Variants in NRG3 observed in about 807,000 individuals in gnomAD.
NRG3 encodes neuregulin 3.
Under a neutral mutation model 66.9 loss-of-function variants are expected in NRG3, and 31 were observed. The observed-to-expected ratio is 0.46, with a 90% CI of 0.35 to 0.63. NRG3 has a LOEUF of 0.63. Ranked by LOEUF, NRG3 falls within the 20% of genes least tolerant of loss-of-function variation. NRG3 has a pLI of 0.00. For synonymous variants in NRG3, 393 were observed against 359.4 expected, an observed-to-expected ratio of 1.09 and a Z score of -1.06; for missense variants, 910 against 878.9, an observed-to-expected ratio of 1.04 and a Z score of -0.45.
chr10:82,639,927 C>T (rs371120063), intron 2 of NRG3, among the ~76,000 whole-genome samples: 10 of 152,278 alleles, frequency 6.6e-5, no homozygotes, highest in African/African-American at 2.4e-4. Flanking sequence ...CTCCCACCCT[C>T]CACCCTCCAA....
chr10:82,102,126 GTGTATTCATATATATATATATATA>G (rs2066780927), intron 1 of NRG3, among the ~76,000 whole-genome samples: 1 of 7,790 alleles, frequency 1.3e-4, no homozygotes. Context: ...ATATATATAT[GTGTATTCATATATATATATATATA>G]TATATATATA....
chr10:82,894,697 C>T (rs1371085154), intron 4 of NRG3, among the ~76,000 whole-genome samples: 1 of 152,112 alleles, frequency 6.6e-6, no homozygotes, highest in African/African-American at 2.4e-5. Context: ...CCTGAATTGG[C>T]ACAACTATCA....
intron 3 of NRG3, among the ~76,000 whole-genome samples, chr10:82,842,366 T>G (rs1370909324): frequency 2.6e-5 from 4 of 152,238 alleles, no homozygotes; most frequent in African/African-American, 9.6e-5. Context: ...ACATTAACTC[T>G]CTTTTTTCCT....
chr10:82,909,641 C>T (rs1286305547), intron 4 of NRG3, among the ~76,000 whole-genome samples: 1 of 152,166 alleles, frequency 6.6e-6, no homozygotes, highest in Non-Finnish European at 1.5e-5. Context: ...CAGTAGGTTC[C>T]TAATGATGTT....
At chr10:81,980,882 G>A (rs2060308899) in intron 1 of NRG3, among the ~76,000 whole-genome samples, 1 of 152,078 alleles carries the variant, frequency 6.6e-6, no homozygotes, top group Admixed American at 6.5e-5. Context: ...ATGTTTTTGT[G>A]TGTCCATATT....
rs1844765333 is a variant in NRG3 at position 82,507,245 on chromosome 10, A to G, written c.953+148377A>G. On this transcript the variant is annotated intron_variant, in intron 2 of 8. Transcript: ENST00000372141. Reference sequence around the variant, plus strand: ...TAGTAGTAGGGATGTTGTCTCTCCCATGATGGGTTCGCAGTGTAAAGCTCC... The same window carrying G: ...TAGTAGTAGGGATGTTGTCTCTCCCGTGATGGGTTCGCAGTGTAAAGCTCC... Among the ~76,000 whole-genome samples the G allele has an allele frequency of 3.3e-5, 5 of 152,188 alleles. No individual in the cohort carries two copies. The South Asian group carries it at 1.0e-3, about 32-fold the overall frequency.
intron 1 of NRG3, among the ~76,000 whole-genome samples, chr10:81,992,739 G>T (rs1262848528): frequency 1.3e-5 from 2 of 151,930 alleles, no homozygotes; most frequent in African/African-American, 4.8e-5. Context: ...CATTCTATAG[G>T]CTCTCTCACA....
intron 1 of NRG3, among the ~76,000 whole-genome samples, chr10:82,018,396 T>C (rs1354878949): frequency 6.6e-6 from 1 of 152,176 alleles, no homozygotes; most frequent in African/African-American, 2.4e-5. Context: ...TCTTTTGGCT[T>C]AGGATTGACT....
intron 1 of NRG3, among the ~76,000 whole-genome samples, chr10:82,223,288 A>G (rs1367042294): frequency 6.6e-6 from 1 of 152,112 alleles, no homozygotes; most frequent in Non-Finnish European, 1.5e-5. Flanking sequence ...AGCTGAGATA[A>G]TCTCAGGGTG....
At chr10:81,960,045 C>T (rs927823051) in intron 1 of NRG3, among the ~76,000 whole-genome samples, 5 of 152,120 alleles carry the variant, frequency 3.3e-5, no homozygotes, top group Non-Finnish European at 7.4e-5. Context: ...CATTTCTCCA[C>T]ATTTTCTTAT....
intron 4 of NRG3, among the ~76,000 whole-genome samples, chr10:82,937,335 A>G (rs1848174499): frequency 6.6e-6 from 1 of 152,224 alleles, no homozygotes; most frequent in Non-Finnish European, 1.5e-5. Context: ...AGATATTATG[A>G]TCATCACCAC....
intron 1 of NRG3, among the ~76,000 whole-genome samples, chr10:81,888,002 A>G (rs1842747849): frequency 6.6e-6 from 1 of 152,170 alleles, no homozygotes; most frequent in African/African-American, 2.4e-5. Context: ...TGAAAAAATA[A>G]GAGAAAACTT....
chr10:82,645,383 C>A (rs76810386), intron 2 of NRG3, among the ~76,000 whole-genome samples: 1,914 of 152,294 alleles, frequency 0.013, 27 homozygotes, highest in Non-Finnish European at 0.021. Flanking sequence ...TTGTGACAGT[C>A]ACTGTCTTGG....
intron 2 of NRG3, among the ~76,000 whole-genome samples, chr10:82,577,157 C>T (rs913623036): frequency 1.3e-5 from 2 of 151,790 alleles, no homozygotes; most frequent in African/African-American, 4.8e-5. Flanking sequence ...TAATTCCCAA[C>T]ATACCAAGAT....
intron 3 of NRG3, among the ~76,000 whole-genome samples, chr10:82,847,072 T>C (rs1041316726): frequency 6.6e-6 from 1 of 152,202 alleles, no homozygotes; most frequent in African/African-American, 2.4e-5. Context: ...TCATCTACCA[T>C]CGTAGCATGT....
intron 1 of NRG3, among the ~76,000 whole-genome samples, chr10:82,131,323 C>T (rs1429768921): frequency 1.3e-5 from 2 of 152,048 alleles, no homozygotes; most frequent in South Asian, 4.2e-4. Context: ...ATGTTCTTAG[C>T]TTGTTTGTTG....
chr10:82,959,526 G>A (rs1850401446), intron 6 of NRG3, among the ~76,000 whole-genome samples: 1 of 152,136 alleles, frequency 6.6e-6, no homozygotes, highest in Admixed American at 6.5e-5. Context: ...GCCAGTGGGA[G>A]GTGGATGGGG....
intron 1 of NRG3, among the ~76,000 whole-genome samples, chr10:82,275,193 A>T (rs1259572566): frequency 1.3e-5 from 2 of 152,058 alleles, no homozygotes; most frequent in Non-Finnish European, 2.9e-5. Context: ...TCTTTAGATT[A>T]TCAATGTTGT....
intron 1 of NRG3, among the ~76,000 whole-genome samples, chr10:82,134,115 G>A (rs1045196935): frequency 6.6e-6 from 1 of 150,708 alleles, no homozygotes; most frequent in African/African-American, 2.4e-5. Context: ...GGGGTTGTTT[G>A]TTTTTCTCTT....
Sources: gnomAD v4.1 joint callset for allele counts (sites outside exome capture counted in the v4.1 genomes callset) on GRCh38, gnomAD v4.1.1 for gene constraint, MANE v1.5 for transcripts, NCBI Gene and HGNC (gene_info 2026-07-23, HGNC 2026-07-21) for gene names.